The following RALYL variants were observed in gnomAD, a reference collection of about 807,000 sequenced individuals.
RALYL encodes the protein RNA-binding Raly-like protein.
A neutral mutation model predicts 35.1 loss-of-function variants in RALYL; 29 were observed. The observed-to-expected ratio is 0.83, with a 90% CI of 0.61 to 1.13. The LOEUF (loss-of-function observed/expected upper bound fraction) is 1.13, where lower values mean the gene tolerates loss of function less well. Among genes scored for constraint, RALYL ranks in the 50% most tolerant of loss-of-function variants. The pLI, the probability that RALYL is intolerant of heterozygous loss-of-function variation, is 0.00. For synonymous variants in RALYL, 120 were observed against 127.6 expected (o/e 0.94, Z 0.40); for missense variants, 359 against 360.4 (o/e 1.00, Z 0.03).
chr8:84,439,088 G>A (rs905319251), intron 1 of RALYL, among the ~76,000 whole-genome samples: 9 of 151,744 alleles, frequency 5.9e-5, no homozygotes, highest in African/African-American at 4.8e-5. Context: ...ATGTTTCCAC[G>A]TTAATTTTAG....
intron 2 of RALYL, among the ~76,000 whole-genome samples, chr8:84,575,583 A>G (rs922135215): frequency 1.3e-5 from 2 of 152,202 alleles, no homozygotes; most frequent in Non-Finnish European, 2.9e-5. Context: ...CTGACACAGC[A>G]AAGGCTCATT....
At chr8:84,337,535 G>A (rs1230293148) in intron 1 of RALYL, among the ~76,000 whole-genome samples, 1 of 152,076 alleles carries the variant, frequency 6.6e-6, no homozygotes, top group Non-Finnish European at 1.5e-5. Context: ...CAGTAAGACT[G>A]AAGTTGTTTT....
At chr8:84,424,716 A>C (rs1262416907) in intron 1 of RALYL, among the ~76,000 whole-genome samples, 1 of 152,010 alleles carries the variant, frequency 6.6e-6, no homozygotes, top group Non-Finnish European at 1.5e-5. Context: ...GGTGATGTAC[A>C]GGTGGGTTTT....
intron 4 of RALYL, among the ~76,000 whole-genome samples, chr8:84,831,692 A>C (rs1830961534): frequency 2.0e-5 from 3 of 152,122 alleles, no homozygotes; most frequent in Admixed American, 1.3e-4. Flanking sequence ...ATTTTTTAAA[A>C]ATTTTGAATA....
In RALYL at chr8:84,407,280, A is replaced by G. The variant is rs118176361; in HGVS notation, c.-23-122019A>G. Among the ~76,000 whole-genome samples, 1,325 of 152,234 alleles carry G rather than the reference A, an allele frequency of 8.7e-3. 8 individuals are homozygous for G. Among genetic ancestry groups the G allele is most frequent in the Admixed American group, 0.017 (267 of 15,290 alleles). ...TCAATACTTGTGTTGGGAAGACCAC[A>G]CCACTACATAGCTTCCTGCCTTTCC... On this transcript the variant is annotated intron_variant, in intron 1 of 8. Coordinates refer to ENST00000521268, the MANE Select transcript of RALYL (RefSeq NM_173848.7).
At chr8:84,596,056 T>C (rs1021585764) in intron 2 of RALYL, among the ~76,000 whole-genome samples, 4 of 152,168 alleles carry the variant, frequency 2.6e-5, no homozygotes, top group Non-Finnish European at 4.4e-5. Flanking sequence ...TTAGATATTC[T>C]ATGAGTTTAC....
intron 1 of RALYL, among the ~76,000 whole-genome samples, chr8:84,295,019 G>T (rs370745164): frequency 6.6e-6 from 1 of 152,052 alleles, no homozygotes; most frequent in African/African-American, 2.4e-5. Context: ...CTATTGTCAC[G>T]TATGATCTCT....
At chr8:84,775,479 A>G (rs1586158310) in intron 3 of RALYL, among the ~76,000 whole-genome samples, 1 of 152,184 alleles carries the variant, frequency 6.6e-6, no homozygotes, top group Admixed American at 6.5e-5. Context: ...CCACTCAGTC[A>G]GTCAGCCTTC....
At chr8:84,730,138 A>T (rs1335985049) in intron 2 of RALYL, among the ~76,000 whole-genome samples, 1 of 152,144 alleles carries the variant, frequency 6.6e-6, no homozygotes, top group African/African-American at 2.4e-5. Context: ...ATCCTCAATA[A>T]AATACTGGCA....
chr8:84,743,591 A>C (rs981605207), intron 2 of RALYL, among the ~76,000 whole-genome samples: 4 of 152,064 alleles, frequency 2.6e-5, no homozygotes, highest in African/African-American at 9.7e-5. Context: ...TGCAGAAGAA[A>C]AGGCTGAAAA....
chr8:84,426,828 G>A (rs2046533073), intron 1 of RALYL, among the ~76,000 whole-genome samples: 1 of 152,116 alleles, frequency 6.6e-6, no homozygotes, highest in Non-Finnish European at 1.5e-5. Context: ...AAGGATGTGG[G>A]AAAAGGGAAC....
chr8:84,184,696 C>T (rs929091750), intron 1 of RALYL, among the ~76,000 whole-genome samples: 7 of 151,926 alleles, frequency 4.6e-5, no homozygotes, highest in Non-Finnish European at 1.5e-5. Flanking sequence ...CGTCTCCCGG[C>T]GGGGCGGGTG....
At chr8:84,433,249 G>A (rs2132730353) in intron 1 of RALYL, among the ~76,000 whole-genome samples, 1 of 152,186 alleles carries the variant, frequency 6.6e-6, no homozygotes, top group East Asian at 1.9e-4. Context: ...ACCTCAGCCA[G>A]TAGCACATTC....
At chr8:84,704,763 T>C (rs903397033) in intron 2 of RALYL, among the ~76,000 whole-genome samples, 4 of 152,158 alleles carry the variant, frequency 2.6e-5, no homozygotes, top group African/African-American at 4.8e-5. Flanking sequence ...TGAAAACTTA[T>C]AGAATATTAT....
intron 1 of RALYL, among the ~76,000 whole-genome samples, chr8:84,428,198 T>C (rs963466765): frequency 2.6e-5 from 4 of 152,068 alleles, no homozygotes; most frequent in Non-Finnish European, 4.4e-5. Flanking sequence ...AATAACTCTA[T>C]AGAATATATA....
At chr8:84,724,221 AG>A in intron 2 of RALYL, among the ~76,000 whole-genome samples, 1 of 151,840 alleles carries the variant, frequency 6.6e-6, no homozygotes, top group Admixed American at 6.6e-5. Context: ...AAGGCTACAA[AG>A]GGTGAAACCT....
chr8:84,611,296 T>A (rs1031968733), intron 2 of RALYL, among the ~76,000 whole-genome samples: 1 of 152,142 alleles, frequency 6.6e-6, no homozygotes, highest in Non-Finnish European at 1.5e-5. Flanking sequence ...GTGAAGTGAT[T>A]ATCTTTACAG....
At chr8:84,816,497 AAAAACTTC>A (rs138949495) in intron 4 of RALYL, among the ~76,000 whole-genome samples, 1,747 of 152,338 alleles carry the variant, frequency 0.011, 36 homozygotes, top group African/African-American at 0.039. Context: ...ATTGGTTAAA[AAAAACTTC>A]AGATTTTGTT....
At chr8:84,818,922 A>G (rs1414897877) in intron 4 of RALYL, among the ~76,000 whole-genome samples, 1 of 152,166 alleles carries the variant, frequency 6.6e-6, no homozygotes, top group African/African-American at 2.4e-5. Context: ...ACAGCATGAC[A>G]AGCTAAAATC....
Sources: gnomAD v4.1 joint callset for allele counts (sites outside exome capture counted in the v4.1 genomes callset) on GRCh38, gnomAD v4.1.1 for gene constraint, MANE v1.5 for transcripts, NCBI Gene and HGNC (gene_info 2026-07-23, HGNC 2026-07-21) for gene names.